The following FN1 variants were observed in gnomAD, a reference collection of about 807,000 sequenced individuals.
The protein encoded by FN1 is fibronectin 1.
In FN1, 106 loss-of-function variants were observed where a neutral mutation model predicts 297.3. The observed-to-expected ratio is 0.36, with a 90% CI of 0.30 to 0.42. The LOEUF is 0.42. FN1 is among the 10% of genes least tolerant of loss of function. FN1 has a pLI of 1.00. For synonymous variants in FN1, 1,149 were observed against 1,152.6 expected (o/e 1.00, Z 0.06); for missense variants, 2,690 against 3,124.9 (o/e 0.86, Z 3.32).
chr2:215,427,076 C>T (rs913595952), intron 6 of FN1, among the ~76,000 whole-genome samples: 13 of 152,038 alleles, frequency 8.6e-5, no homozygotes, highest in Admixed American at 5.9e-4. Flanking sequence ...GGGGTTTCAC[C>T]GTGTTAGCCA....
chr2:215,429,127 A>G (rs957504776), intron 5 of FN1, among the ~76,000 whole-genome samples: 2 of 152,222 alleles, frequency 1.3e-5, no homozygotes, highest in Non-Finnish European at 2.9e-5. Flanking sequence ...CAAAGAAGCT[A>G]TAAGAAGGTG....
At chr2:215,390,359 A>AT (rs1216578805) in intron 26 of FN1, among the ~76,000 whole-genome samples, 2 of 151,916 alleles carry the variant, frequency 1.3e-5, no homozygotes, top group Non-Finnish European at 1.5e-5. Flanking sequence ...TAATTTTTGT[A>AT]TTTTTTGTAG....
chr2:215,366,899 A>C (rs182033431), intron 42 of FN1, among the ~76,000 whole-genome samples: 3 of 152,252 alleles, frequency 2.0e-5, no homozygotes, highest in Non-Finnish European at 4.4e-5. Flanking sequence ...GCTCCTAAAC[A>C]GCATGTGATG....
chr2:215,418,282 A>G (rs2063715732), intron 12 of FN1, among the ~76,000 whole-genome samples: 1 of 152,216 alleles, frequency 6.6e-6, no homozygotes, highest in Admixed American at 6.5e-5. Flanking sequence ...AAAGGTAATC[A>G]GCTACAATCT....
chr2:215,417,100 C>T (rs1399292784), intron 12 of FN1, among the ~76,000 whole-genome samples: 1 of 152,140 alleles, frequency 6.6e-6, no homozygotes, highest in Non-Finnish European at 1.5e-5. Flanking sequence ...ACTATGTATC[C>T]TTTAAAGACA....
In FN1 at chr2:215,384,005, A is replaced by G; in HGVS notation, c.4894+15T>C. 1.9e-6 allele frequency: 3 copies of G among 1,613,792 alleles called. No homozygotes were observed. Among genetic ancestry groups the G allele is most frequent in the Non-Finnish European group, 2.5e-6 (3 of 1,179,718 alleles). On this transcript the variant is annotated intron_variant, in intron 30 of 45. Transcript: ENST00000354785. ...TAAGTAAAAGCTGGTGTCACCCCAG[A>G]GTAGAAGTTTGTACCTGTTCGGTAA...
rs2060084591 is a variant in FN1 at position 215,394,594 on chromosome 2, T to C, written c.3730A>G (p.Asn1244Asp). The C allele has an allele frequency of 1.2e-6, 2 of 1,613,892 alleles. No homozygotes were observed. The highest frequency in any genetic ancestry group is 1.7e-6 in the Non-Finnish European group (2 of 1,179,892). Residue 1244 changes from asparagine (N) to aspartate (D), a missense_variant, in exon 24 of 46, where the codon AAT becomes GAT. This residue lies in a region of FN1 where 1,743 missense variants were observed against 1,945.2 expected (regional missense o/e 0.90). Transcript: ENST00000354785. ...TCCTTGACAGTGTAAACACTGACAT[T>C]GTACTCCAGGCCGGGACTCAGGTTA... is the stretch of plus-strand genomic sequence containing the variant. Reference protein sequence around the residue: ...FDNLSPGLEYNVSVYTVKDDK... With the variant: ...FDNLSPGLEYDVSVYTVKDDK...
chr2:215,385,792 T>G (rs1227379959), intron 28 of FN1, among the ~76,000 whole-genome samples: 3 of 150,020 alleles, frequency 2.0e-5, no homozygotes. Context: ...TTTTTTTTTT[T>G]TTTTGAGACA....
chr2:215,386,876 G>C lies in FN1; in HGVS notation c.4425C>G (p.Thr1475=), dbSNP rs754599580. 2 of 1,613,692 alleles carry C rather than the reference G, an allele frequency of 1.2e-6. No individual in the cohort carries two copies. Among genetic ancestry groups the C allele is most frequent in the South Asian group, 2.2e-5 (2 of 91,036 alleles). The change falls in exon 28 of 46, where the codon ACC becomes ACG. Residue 1475 remains threonine, a synonymous_variant. Coordinates refer to ENST00000354785, the MANE Select transcript of FN1 (RefSeq NM_212482.4). ...FTVHWIAPRA[T]ITGYRIRHHP... The stretch of plus-strand genomic sequence containing the variant: ...GATGGCGGATCCTGTAGCCAGTGAT[G>C]GTGGCTCGAGGAGCAATCCAGTGCA...
intron 20 of FN1, among the ~76,000 whole-genome samples, chr2:215,400,149 T>C (rs895946266): frequency 2.6e-5 from 4 of 151,504 alleles, no homozygotes; most frequent in Admixed American, 6.6e-5. Context: ...GATCATGCCA[T>C]TGCACTCCAG....
intron 28 of FN1, among the ~76,000 whole-genome samples, chr2:215,385,793 T>TC (rs1412334606): frequency 2.7e-5 from 4 of 150,114 alleles, no homozygotes; most frequent in Non-Finnish European, 5.9e-5. Flanking sequence ...TTTTTTTTTT[T>TC]TTTGAGACAG....
chr2:215,405,066 CT>C (rs1312501993), intron 19 of FN1, among the ~76,000 whole-genome samples: 3 of 152,306 alleles, frequency 2.0e-5, no homozygotes, highest in African/African-American at 7.2e-5. Context: ...AAGAAGCTCT[CT>C]ATGGGTCAAA....
At chr2:215,380,616 C>A in intron 33 of FN1, 195 bp downstream of exon 33, 1 of 732,314 alleles carries the variant, frequency 1.4e-6, no homozygotes, top group South Asian at 1.8e-5. Flanking sequence ...TCCAAAATTT[C>A]TTTTAATCAG....
rs1019239210 is a variant in FN1 at position 215,419,374 on chromosome 2, C to A, written c.1687G>T (p.Asp563Tyr). ...WKCDPVDQCQDSETGTFYQIG... is the reference protein window; with the variant it reads ...WKCDPVDQCQYSETGTFYQIG... Reference sequence around the variant, plus strand: ...TGATAAAACGTCCCAGTCTCTGAATCCTGGCATTGGTCTAAAATACATGGA... The same window carrying A: ...TGATAAAACGTCCCAGTCTCTGAATACTGGCATTGGTCTAAAATACATGGA... The change falls in exon 12 of 46, where the codon GAT becomes TAT. Residue 563 changes from aspartate to tyrosine, a missense_variant. Physicochemically the swap from Asp to Tyr is radical, Grantham distance 160. Around this residue, in one of 3 missense-constraint regions of FN1, gnomAD observed 876 missense variants for 1,058.1 expected, o/e 0.83. Transcript: ENST00000354785. 9.3e-6 allele frequency: 15 copies of A among 1,613,112 alleles called. No individual in the cohort carries two copies. The highest frequency in any genetic ancestry group is 1.2e-5 in the Non-Finnish European group (14 of 1,179,176).
intron 2 of FN1, among the ~76,000 whole-genome samples, chr2:215,434,135 C>A (rs149170829): frequency 6.6e-6 from 1 of 152,048 alleles, no homozygotes; most frequent in Non-Finnish European, 1.5e-5. Flanking sequence ...ACAAACAATT[C>A]GAAGATCCCC....
chr2:215,417,829 C>T (rs2063661936), intron 12 of FN1, among the ~76,000 whole-genome samples: 2 of 152,256 alleles, frequency 1.3e-5, no homozygotes, highest in African/African-American at 2.4e-5. Context: ...AACATGTCCA[C>T]CTAAATGCTT....
chr2:215,435,426 C>G (rs1559627116), intron 1 of FN1, among the ~76,000 whole-genome samples: 3 of 152,186 alleles, frequency 2.0e-5, no homozygotes, highest in African/African-American at 7.2e-5. Context: ...TTTATTAGAA[C>G]ACGGGAAAGT....
intron 23 of FN1, among the ~76,000 whole-genome samples, chr2:215,396,496 CT>C (rs933152205): frequency 1.3e-5 from 2 of 151,994 alleles, no homozygotes; most frequent in African/African-American, 4.8e-5. Context: ...CAGGAAACCC[CT>C]TAATCAGAAT....
At chr2:215,413,808 C>T (rs1175151821) in intron 13 of FN1, among the ~76,000 whole-genome samples, 1 of 152,124 alleles carries the variant, frequency 6.6e-6, no homozygotes, top group East Asian at 1.9e-4. Flanking sequence ...TTATTTTGCC[C>T]TCATATTTGA....
Sources: gnomAD v4.1 joint callset for allele counts (sites outside exome capture counted in the v4.1 genomes callset) on GRCh38, gnomAD v4.1.1 for gene constraint, gnomAD v4.1.1 regional missense constraint, MANE v1.5 for transcripts, NCBI Gene and HGNC (gene_info 2026-07-23, HGNC 2026-07-21) for gene names.